Variants in TDRD5 observed in about 807,000 individuals in gnomAD.
TDRD5 encodes the protein tudor domain-containing protein 5.
TDRD5 carries 41 observed loss-of-function variants against 120.6 expected under a neutral mutation model. The ratio of observed to expected loss-of-function variants is 0.34; its 90% CI spans 0.26 to 0.44. The LOEUF is 0.44. Ranked by LOEUF, TDRD5 falls within the 20% of genes least tolerant of loss-of-function variation. The probability of loss-of-function intolerance (pLI) is 1.00; values close to 1 mark genes in which losing one functional copy is unlikely to be tolerated. For missense variants in TDRD5, 1,006 were observed against 1,221.2 expected, an observed-to-expected ratio of 0.82 and a Z score of 2.63; for synonymous variants, 430 against 433.7, an observed-to-expected ratio of 0.99 and a Z score of 0.11.
rs375641517 is a variant in TDRD5 at position 179,592,808 on chromosome 1, C to T, written c.193C>T (p.Arg65Cys). 14 of 1,613,988 alleles carry T rather than the reference C, an allele frequency of 8.7e-6. No homozygotes were observed. Among genetic ancestry groups the T allele is most frequent in the Non-Finnish European group, 1.1e-5 (13 of 1,180,022 alleles). Reference protein sequence around the residue: ...ELVLDMPDVVRVCPGAGGTVI... With the variant: ...ELVLDMPDVVCVCPGAGGTVI... ...GGTATTGGACATGCCTGATGTTGTT[C>T]GTGTCTGCCCCGGTGCAGGTGGTAC... Residue 65 changes from arginine to cysteine, a missense_variant, in exon 2 of 18, where the codon CGT becomes TGT. Physicochemically the swap from Arg to Cys is radical, Grantham distance 180. Coordinates refer to ENST00000444136, the MANE Select transcript of TDRD5 (RefSeq NM_001199085.3).
In TDRD5 at chr1:179,627,184, C is replaced by T. The variant is rs531390134; in HGVS notation, c.973-3583C>T. ...TGACTTTCAATTGCAGAGAGCCAGA[C>T]AAGCTATTACCACCATGCAAGAATT... On this transcript the variant is annotated intron_variant, in intron 6 of 17. Transcript: ENST00000444136. 2.0e-5 allele frequency among the ~76,000 whole-genome samples: 3 copies of T among 152,312 alleles called. No homozygotes were observed. The South Asian group carries it at 6.2e-4, about 32-fold the overall frequency.
At chr1:179,618,742 T>C in intron 5 of TDRD5, 60 bp downstream of exon 5, 1 of 1,273,360 alleles carries the variant, frequency 7.9e-7, no homozygotes, top group South Asian at 1.6e-5. Flanking sequence ...ATATATCATT[T>C]GTGGTTGAGT....
At chr1:179,593,177 A>G (rs2101900177) in intron 2 of TDRD5, among the ~76,000 whole-genome samples, 1 of 152,344 alleles carries the variant, frequency 6.6e-6, no homozygotes, top group African/African-American at 2.4e-5. Context: ...AGAAAAAACT[A>G]TTGTAGGGAA....
At chr1:179,613,545 A>T (rs4651043) in intron 4 of TDRD5, among the ~76,000 whole-genome samples, 100,494 of 152,042 alleles carry the variant, frequency 0.66, 34,127 homozygotes, top group East Asian at 0.82. Context: ...TCTTGGAAGC[A>T]TGGATTTTTC....
At chr1:179,643,758 G>A (rs1444466164) in intron 11 of TDRD5, among the ~76,000 whole-genome samples, 1 of 152,130 alleles carries the variant, frequency 6.6e-6, no homozygotes, top group Admixed American at 6.5e-5. Context: ...CAGAAAGAGA[G>A]TTGAGAGAGA....
At chr1:179,644,918 G>T (rs1317378483) in intron 11 of TDRD5, among the ~76,000 whole-genome samples, 1 of 151,632 alleles carries the variant, frequency 6.6e-6, no homozygotes, top group Non-Finnish European at 1.5e-5. Context: ...TTCTTGATGT[G>T]CAAGCTTAGG....
chr1:179,624,444 A>G (rs1005919093), intron 6 of TDRD5, among the ~76,000 whole-genome samples: 2 of 152,192 alleles, frequency 1.3e-5, no homozygotes, highest in Admixed American at 6.6e-5. Flanking sequence ...TAATAAGGAA[A>G]TAAAAGGCAT....
intron 8 of TDRD5, among the ~76,000 whole-genome samples, chr1:179,635,269 T>G (rs79701031): frequency 6.6e-6 from 1 of 152,198 alleles, no homozygotes; most frequent in South Asian, 2.1e-4. Context: ...GGAAGACTAG[T>G]CTGAAATTTA....
At chr1:179,668,718 T>A (rs1311102998) in intron 16 of TDRD5, among the ~76,000 whole-genome samples, 1 of 151,662 alleles carries the variant, frequency 6.6e-6, no homozygotes, top group African/African-American at 2.4e-5. Flanking sequence ...AAGGACTTGC[T>A]TTTTCTAGAG....
chr1:179,619,471 T>C (rs77087266), intron 5 of TDRD5, among the ~76,000 whole-genome samples: 3,166 of 152,284 alleles, frequency 0.021, 95 homozygotes, highest in African/African-American at 0.07. Flanking sequence ...ATCAAGGTGC[T>C]ATTACAGCTT....
chr1:179,661,692 G>A (rs550868451), intron 14 of TDRD5, among the ~76,000 whole-genome samples: 104 of 152,224 alleles, frequency 6.8e-4, no homozygotes, highest in Non-Finnish European at 1.4e-3. Context: ...CAGACTTTCA[G>A]CCAGTGTGCT....
At chr1:179,610,623 T>A (rs1163755093) in intron 4 of TDRD5, among the ~76,000 whole-genome samples, 1 of 152,204 alleles carries the variant, frequency 6.6e-6, no homozygotes, top group South Asian at 2.1e-4. Context: ...TGAAAGATGG[T>A]TAAGTACAAA....
chr1:179,663,619 A>G, intron 16 of TDRD5, 128 bp downstream of exon 16: 1 of 1,286,164 alleles, frequency 7.8e-7, no homozygotes, highest in East Asian at 2.6e-5. Context: ...TGTAGCTGTT[A>G]CTGTTGATGA....
chr1:179,592,047 G>T lies in TDRD5; in HGVS notation c.-93G>T, dbSNP rs1317883911. On this transcript the variant is annotated 5_prime_UTR_variant, in exon 1 of 18. Transcript: ENST00000444136. ...AGGTTGCAGAGAGCCGCCAGGGCAG[G>T]TGGAAGGGCCACGCCCCGCTCCCGT... 1 of 152,976 alleles carries T rather than the reference G, an allele frequency of 6.5e-6. No individual in the cohort carries two copies. The highest frequency in any genetic ancestry group is 1.5e-5 in the Non-Finnish European group (1 of 68,652). 9.5% of individuals were successfully genotyped at this position (152,976 alleles called of 1,614,324 possible).
rs142079511 is a variant in TDRD5, at chr1:179,603,824, C to A, written c.831+8006C>A. Among the ~76,000 whole-genome samples the A allele has an allele frequency of 1.3e-3, 201 of 152,002 alleles. 4 individuals are homozygous for A. Among genetic ancestry groups the A allele is most frequent in the Non-Finnish European group, 8.8e-4 (60 of 67,912 alleles). On this transcript the variant is annotated intron_variant, in intron 4 of 17. Coordinates refer to ENST00000444136, the MANE Select transcript of TDRD5 (RefSeq NM_001199085.3). ...TAGCATCTATGTTTATCAGGGATATCGATCTGTAGTTTTCTTTTTTTGTTA... is the reference window on the plus strand; with the variant it reads ...TAGCATCTATGTTTATCAGGGATATAGATCTGTAGTTTTCTTTTTTTGTTA...
At chr1:179,592,357 C>T in intron 1 of TDRD5, 2 of 426,336 alleles carry the variant, frequency 4.7e-6, no homozygotes, top group Non-Finnish European at 8.6e-6. Flanking sequence ...GACAGGAACC[C>T]CAGTTAACGC....
chr1:179,593,901 G>T lies in TDRD5; in HGVS notation c.640+34G>T, dbSNP rs765110047. The T allele has an allele frequency of 2.5e-6, 4 of 1,592,336 alleles. No homozygotes were observed. The African/African-American group carries it at 5.4e-5, about 21-fold the overall frequency. ...GTGAGCAAATGTTGGAGCAGTCATG[G>T]CACATAGAGGGGTGTGTAATCACTA... On this transcript the variant is annotated intron_variant, in intron 3 of 17. Transcript: ENST00000444136.
Position 179,652,076 on chromosome 1 carries a change from C to T in TDRD5, c.2039C>T (p.Thr680Ile). The T allele has an allele frequency of 6.2e-7, 1 of 1,613,872 alleles. No homozygotes were observed. Among genetic ancestry groups the T allele is most frequent in the Non-Finnish European group, 8.5e-7 (1 of 1,179,988 alleles). ...CTCAACCCTTTAGCTTTATACACGA[C>T]ATCCAGTGGAGGGCCAGAGGACATT... ...SELNPLALYT[T>I]SSGGPEDIVL... Residue 680 changes from threonine to isoleucine, a missense_variant, in exon 13 of 18, where the codon ACA (threonine) becomes ATA (isoleucine). This residue lies in a region of TDRD5 where 403 missense variants were observed against 448.1 expected (regional missense o/e 0.90). Transcript: ENST00000444136.
intron 17 of TDRD5, among the ~76,000 whole-genome samples, chr1:179,690,193 A>T (rs1306190702): frequency 6.6e-6 from 1 of 152,132 alleles, no homozygotes; most frequent in Non-Finnish European, 1.5e-5. Context: ...GCCATCTTAG[A>T]ACCTCTCGGC....
Sources: gnomAD v4.1 joint callset for allele counts (sites outside exome capture counted in the v4.1 genomes callset) on GRCh38, gnomAD v4.1.1 for gene constraint, gnomAD v4.1.1 regional missense constraint, MANE v1.5 for transcripts, NCBI Gene and HGNC (gene_info 2026-07-23, HGNC 2026-07-21) for gene names.